The following C17orf67 variants were observed in gnomAD, a reference collection of about 807,000 sequenced individuals.
C17orf67 encodes uncharacterized protein C17orf67.
A neutral mutation model predicts 11.2 loss-of-function variants in C17orf67; 12 were observed. That is an observed-to-expected ratio of 1.07 (90% CI 0.68 to 1.73). The LOEUF (loss-of-function observed/expected upper bound fraction) is 1.73, where lower values mean the gene tolerates loss of function less well. Among genes scored for constraint, C17orf67 ranks in the 40% most tolerant of loss-of-function variants. C17orf67 has a pLI of 0.00. For missense variants in C17orf67, 115 were observed against 113.5 expected (o/e 1.01, Z -0.06); for synonymous variants, 59 against 46.9 (o/e 1.26, Z -1.05).
chr17:56,800,602 T>C (rs1212625221), intron 6 of C17orf67, among the ~76,000 whole-genome samples: 4 of 152,326 alleles, frequency 2.6e-5, no homozygotes, highest in African/African-American at 7.2e-5. Flanking sequence ...CCAAAGCACC[T>C]GTTGTTTGCT....
chr17:56,831,180 T>TGACA (rs1407750815), intron 2 of C17orf67, among the ~76,000 whole-genome samples: 1 of 151,626 alleles, frequency 6.6e-6, no homozygotes, highest in Non-Finnish European at 1.5e-5. Flanking sequence ...GTGAGAATGG[T>TGACA]GACAGCTGGA....
At chr17:56,800,610 G>C (rs563261329) in intron 6 of C17orf67, among the ~76,000 whole-genome samples, 1 of 152,126 alleles carries the variant, frequency 6.6e-6, no homozygotes, top group Non-Finnish European at 1.5e-5. Context: ...CCTGTTGTTT[G>C]CTCTGCCTAG....
chr17:56,798,950 G>C (rs1288476941), intron 6 of C17orf67, among the ~76,000 whole-genome samples: 1 of 152,192 alleles, frequency 6.6e-6, no homozygotes, highest in African/African-American at 2.4e-5. Context: ...GATATACACA[G>C]ATCACATGGT....
chr17:56,805,971 CTTTTT>C (rs10684052), intron 6 of C17orf67, among the ~76,000 whole-genome samples: 15 of 98,022 alleles, frequency 1.5e-4, no homozygotes, highest in South Asian at 7.1e-4. Flanking sequence ...GTTGATTTTC[CTTTTT>C]TTTTTTTTTT....
intron 3 of C17orf67, 113 bp downstream of exon 3, chr17:56,824,968 T>C (rs1597999714): frequency 1.3e-5 from 2 of 152,248 alleles, no homozygotes; most frequent in Admixed American, 1.3e-4. Context: ...ATCTTCAATA[T>C]GTTAACCAGG....
intron 6 of C17orf67, among the ~76,000 whole-genome samples, chr17:56,806,414 C>T (rs1206737288): frequency 2.0e-5 from 3 of 152,158 alleles, no homozygotes; most frequent in African/African-American, 7.2e-5. Context: ...CACCTTTAAT[C>T]CTAGTCTCCT....
At chr17:56,798,275 C>A (rs748208890) in intron 6 of C17orf67, among the ~76,000 whole-genome samples, 14 of 151,428 alleles carry the variant, frequency 9.2e-5, no homozygotes, top group Non-Finnish European at 1.9e-4. Context: ...GTCCTACCTT[C>A]TTCTTCTTGT....
At chr17:56,819,008 T>C (rs1905831648) in intron 4 of C17orf67, among the ~76,000 whole-genome samples, 2 of 152,194 alleles carry the variant, frequency 1.3e-5, no homozygotes, top group African/African-American at 4.8e-5. Context: ...GCAGCAAGGA[T>C]GAAATAGAAA....
At chr17:56,810,566 A>G (rs926574168) in intron 6 of C17orf67, among the ~76,000 whole-genome samples, 1 of 152,222 alleles carries the variant, frequency 6.6e-6, no homozygotes, top group African/African-American at 2.4e-5. Context: ...ATCTGTGCGC[A>G]GCTGTTCTTG....
At chr17:56,825,805 G>A (rs772830229) in intron 2 of C17orf67, among the ~76,000 whole-genome samples, 3 of 152,068 alleles carry the variant, frequency 2.0e-5, no homozygotes, top group Non-Finnish European at 4.4e-5. Context: ...TTAAAAAAAA[G>A]TAAATCAGTT....
rs539136137 is a variant in C17orf67 at position 56,819,100 on chromosome 17, A to G, written c.-200-3090T>C. On this transcript the variant is annotated intron_variant, in intron 4 of 7. Transcript: ENST00000397861. ...GAGTCAGAATAAAATTAAAATCCCT[A>G]CCAAGCACAACAGGACCCTGTGTTT... Among the ~76,000 whole-genome samples the G allele has an allele frequency of 5.3e-5, 8 of 152,278 alleles. No individual in the cohort carries two copies. The South Asian group carries it at 1.7e-3, about 32-fold the overall frequency.
chr17:56,792,604 TATG>T (rs1390925120), intron 7 of C17orf67, among the ~76,000 whole-genome samples: 1 of 85,732 alleles, frequency 1.2e-5, no homozygotes, highest in Non-Finnish European at 2.5e-5. Flanking sequence ...TGATGATGGT[TATG>T]GTGGTGGTGG....
chr17:56,819,272 G>A (rs1030942393), intron 4 of C17orf67, among the ~76,000 whole-genome samples: 1 of 151,902 alleles, frequency 6.6e-6, no homozygotes, highest in Non-Finnish European at 1.5e-5. Flanking sequence ...TTTAATGACT[G>A]GATCTATCTC....
rs1355986396 is a variant in C17orf67 at position 56,815,826 on chromosome 17, C to T, written c.-16G>A. On this transcript the variant is annotated 5_prime_UTR_variant, in exon 5 of 8. Coordinates refer to ENST00000397861, the MANE Select transcript of C17orf67 (RefSeq NM_001085430.4). ...ATGTCTTCATCCTGCCTTGGTTCCT[C>T]TGCCTCTTGCTGAGTGAATCCTCCC... is the stretch of plus-strand genomic sequence containing the variant. 2.5e-6 allele frequency: 4 copies of T among 1,613,728 alleles called. No homozygotes were observed. The highest frequency in any genetic ancestry group is 3.4e-6 in the Non-Finnish European group (4 of 1,179,856).
At chr17:56,830,918 G>A (rs114290954) in intron 2 of C17orf67, among the ~76,000 whole-genome samples, 1 of 152,192 alleles carries the variant, frequency 6.6e-6, no homozygotes, top group Non-Finnish European at 1.5e-5. Flanking sequence ...GTAGGAAAAG[G>A]GGGTAGAACT....
chr17:56,813,290 C>G (rs1222151073), intron 6 of C17orf67, among the ~76,000 whole-genome samples: 2 of 151,946 alleles, frequency 1.3e-5, no homozygotes, highest in South Asian at 4.2e-4. Context: ...ACATGCTGCC[C>G]TTCCTTCACC....
At chr17:56,831,448 G>T (rs529768459) in intron 2 of C17orf67, among the ~76,000 whole-genome samples, 1 of 152,320 alleles carries the variant, frequency 6.6e-6, no homozygotes, top group East Asian at 1.9e-4. Flanking sequence ...AGGACCTTTT[G>T]ACACTAGAGT....
At position 56,833,662 on chromosome 17, in the gene C17orf67, T is replaced by TC. The variant is rs1000073733; in HGVS notation, c.-1047dup. On this transcript the variant is annotated 5_prime_UTR_variant, in exon 1 of 8. It removes the in-frame stop codon of an upstream open reading frame in the 5' UTR. Coordinates refer to ENST00000397861, the MANE Select transcript of C17orf67 (RefSeq NM_001085430.4). ...GTCGGGCGGTGCCGCGCAGGCCGCCTCCCCCCCTCGCTTCCCAGTCGGCTT... is the reference window on the plus strand; with the variant it reads ...GTCGGGCGGTGCCGCGCAGGCCGCCTCCCCCCCCTCGCTTCCCAGTCGGCTT... 2.6e-5 allele frequency: 4 copies of TC among 151,100 alleles called. No homozygotes were observed. Among genetic ancestry groups the TC allele is most frequent in the Admixed American group, 6.6e-5 (1 of 15,192 alleles). 9.4% of individuals were successfully genotyped at this position (151,100 alleles called of 1,614,324 possible).
intron 6 of C17orf67, among the ~76,000 whole-genome samples, chr17:56,800,725 C>T (rs1438583148): frequency 2.6e-5 from 4 of 152,208 alleles, no homozygotes; most frequent in African/African-American, 9.6e-5. Flanking sequence ...TTCCCTGTGA[C>T]CCCACTTCTC....
Sources: allele counts gnomAD v4.1 joint callset (sites outside exome capture counted in the v4.1 genomes callset), GRCh38; gene constraint gnomAD v4.1.1; transcripts MANE v1.5; gene names NCBI Gene and HGNC (gene_info 2026-07-23, HGNC 2026-07-21).